The following EI24 variants were observed in gnomAD, a reference collection of about 807,000 sequenced individuals.
EI24 encodes EI24 autophagy associated transmembrane protein, also known as etoposide-induced protein 2.4 homolog.
Under a neutral mutation model 48.6 loss-of-function variants are expected in EI24, and 21 were observed. The observed-to-expected ratio is 0.43, with a 90% CI of 0.31 to 0.62. The LOEUF is 0.62. Among genes scored for constraint, EI24 ranks in the 20% least tolerant of loss-of-function variants. The pLI is 0.10. For synonymous variants in EI24, 114 were observed against 145.5 expected (o/e 0.78, Z 1.56); for missense variants, 280 against 410.5 (o/e 0.68, Z 2.75).
intron 7 of EI24, among the ~76,000 whole-genome samples, chr11:125,579,519 A>G (rs1382532412): frequency 1.3e-5 from 2 of 152,050 alleles, no homozygotes; most frequent in African/African-American, 2.4e-5. Context: ...TACAAAAATT[A>G]GCTGCGCGTG....
At position 125,582,327 on chromosome 11, in the gene EI24, T is replaced by G. The variant is rs917853235; in HGVS notation, c.786-19T>G. 4.0e-6 allele frequency: 5 copies of G among 1,255,078 alleles called. No individual in the cohort carries two copies. The South Asian group carries it at 8.2e-5, about 21-fold the overall frequency. The allele number at this position is 1,255,078 out of a possible 1,614,324, so 77.7% of individuals were successfully genotyped here. A position where few individuals can be genotyped will look rare whatever the true frequency, so the allele number is the denominator to read the frequency against. On this transcript the variant is annotated intron_variant, in intron 9 of 10. Coordinates refer to ENST00000278903, the MANE Select transcript of EI24 (RefSeq NM_004879.5). ...GTTATGAAGGTGACTAATTATTTCTTTTTTTTTTTTTTAAACAGTGGCTGC... is the reference window on the plus strand; with the variant it reads ...GTTATGAAGGTGACTAATTATTTCTGTTTTTTTTTTTTAAACAGTGGCTGC...
chr11:125,570,693 T>G (rs943281694), intron 1 of EI24, among the ~76,000 whole-genome samples: 2 of 152,210 alleles, frequency 1.3e-5, no homozygotes, highest in African/African-American at 4.8e-5. Flanking sequence ...GGGTTGTGTT[T>G]ATATAGAATT....
intron 2 of EI24, among the ~76,000 whole-genome samples, chr11:125,573,112 C>T (rs761765652): frequency 1.3e-5 from 2 of 151,890 alleles, no homozygotes; most frequent in Non-Finnish European, 2.9e-5. Context: ...TGGCATGTTG[C>T]CCAGGCTGGT....
chr11:125,578,812 C>T (rs1938864787), intron 6 of EI24, 137 bp from the exon 7 acceptor site: 1 of 1,049,812 alleles, frequency 9.5e-7, no homozygotes, highest in Non-Finnish European at 1.3e-6. Context: ...ACTATAGGCA[C>T]ATGCCATCGT....
At chr11:125,572,605 G>T in intron 2 of EI24, 36 bp downstream of exon 2, 1 of 1,588,782 alleles carries the variant, frequency 6.3e-7, no homozygotes, top group Non-Finnish European at 8.6e-7. Context: ...TCATCTCTCG[G>T]CCTTTTTTTT....
chr11:125,576,024 C>G, intron 3 of EI24: 1 of 515,830 alleles, frequency 1.9e-6, no homozygotes, highest in Non-Finnish European at 3.5e-6. Flanking sequence ...CTCCTGACCT[C>G]AGTTGATCGC....
At chr11:125,578,758 C>T (rs1938862197) in intron 6 of EI24, among the ~76,000 whole-genome samples, 191 bp from the exon 7 acceptor site, 1 of 152,150 alleles carries the variant, frequency 6.6e-6, no homozygotes, top group Non-Finnish European at 1.5e-5. Context: ...TGAGCCACGG[C>T]ATAAGGCAGC....
At position 125,584,331 on chromosome 11, in the gene EI24, T is replaced by C. The variant is rs1354217401; in HGVS notation, c.*648T>C. 2.0e-5 allele frequency: 3 copies of C among 151,834 alleles called. No homozygotes were observed. Among genetic ancestry groups the C allele is most frequent in the Non-Finnish European group, 4.4e-5 (3 of 67,860 alleles). 9.4% of individuals were successfully genotyped at this position (151,834 alleles called of 1,614,324 possible). ...TGCTGGGTTTTGAGGAGTGATTTTC[T>C]TTCTTCCCCTTGAAGGGGAAAAAGC... On this transcript the variant is annotated 3_prime_UTR_variant, in exon 11 of 11. Transcript: ENST00000278903.
intron 1 of EI24, among the ~76,000 whole-genome samples, chr11:125,571,171 A>G (rs1228313308): frequency 6.6e-6 from 1 of 152,184 alleles, no homozygotes; most frequent in African/African-American, 2.4e-5. Flanking sequence ...GGTCGGGGAA[A>G]GTGTGCTTAT....
rs769401768 is a variant in EI24, at chr11:125,578,242, T to C, written c.426T>C (p.Asn142=). The change falls in exon 6 of 11, where the codon AAT becomes AAC. Residue 142 remains asparagine, a synonymous_variant. Coordinates refer to ENST00000278903, the MANE Select transcript of EI24 (RefSeq NM_004879.5). The part of the protein sequence containing the change: ...LPLFVLSKVV[N]AIWFQDIADL... ...TGTTTGTGCTTAGCAAAGTGGTGAA[T>C]GCCATTTGGTTTCAGGTAGGTCCAG... 2 of 1,613,968 alleles carry C rather than the reference T, an allele frequency of 1.2e-6. No individual in the cohort carries two copies. The highest frequency in any genetic ancestry group is 2.2e-5 in the East Asian group (1 of 44,880).
Position 125,580,190 on chromosome 11 carries a change from G to A in EI24, c.659G>A (p.Arg220His), listed in dbSNP as rs1565331774. Reference sequence around the variant, plus strand: ...TACTCACTGTACTGCTTTGAATATCGTTGGTTCAATAAAGGTAAGTCCATC... The same window carrying A: ...TACTCACTGTACTGCTTTGAATATCATTGGTTCAATAAAGGTAAGTCCATC... The part of the protein sequence containing the change: ...LLYSLYCFEY[R>H]WFNKGIEMHQ... The change falls in exon 8 of 11, where the codon CGT (arginine) becomes CAT (histidine). Residue 220 changes from arginine (R) to histidine (H), a missense_variant. Around this residue, in one of 3 missense-constraint regions of EI24, gnomAD observed 204 missense variants for 294.1 expected, o/e 0.69. Coordinates refer to ENST00000278903, the MANE Select transcript of EI24 (RefSeq NM_004879.5). The A allele has an allele frequency of 4.3e-6, 7 of 1,611,818 alleles. No individual in the cohort carries two copies. The highest frequency in any genetic ancestry group is 3.3e-4 in the Middle Eastern group (2 of 6,056).
At chr11:125,577,904 C>G in intron 5 of EI24, 3 of 591,628 alleles carry the variant, frequency 5.1e-6, no homozygotes, top group Non-Finnish European at 3.0e-6. Context: ...ATCATGTAAG[C>G]AGGTTTGTGT....
At position 125,577,551 on chromosome 11, in the gene EI24, G is replaced by C. The variant is rs372011817; in HGVS notation, c.297G>C (p.Ser99=). The change falls in exon 5 of 11, where the codon TCG becomes TCC. Residue 99 remains serine, a synonymous_variant. Transcript: ENST00000278903. The part of the protein sequence containing the change: ...FYRVFIPVLQ[S]VTARIIGDPS... ...GAGTATTTATTCCTGTGCTTCAGTCGGTAACAGCCCGAATTATCGGTAAGT... is the reference window on the plus strand; with the variant it reads ...GAGTATTTATTCCTGTGCTTCAGTCCGTAACAGCCCGAATTATCGGTAAGT... The C allele has an allele frequency of 6.2e-7, 1 of 1,613,740 alleles. No homozygotes were observed. Among genetic ancestry groups the C allele is most frequent in the African/African-American group, 1.3e-5 (1 of 74,992 alleles).
At chr11:125,574,953 A>AATCC (rs1362553282) in intron 2 of EI24, 1 of 178,762 alleles carries the variant, frequency 5.6e-6, no homozygotes, top group East Asian at 1.3e-4. Context: ...CGTGGGTGGG[A>AATCC]GATGGATGCA....
At chr11:125,582,139 G>A (rs543872297) in intron 9 of EI24, among the ~76,000 whole-genome samples, 29 of 151,940 alleles carry the variant, frequency 1.9e-4, no homozygotes, top group African/African-American at 6.8e-4. Flanking sequence ...CGGAGGTTGC[G>A]GTGAGTTGAG....
intron 9 of EI24, among the ~76,000 whole-genome samples, 167 bp downstream of exon 9, chr11:125,581,489 C>T (rs1938991189): frequency 6.6e-6 from 1 of 150,908 alleles, no homozygotes; most frequent in South Asian, 2.1e-4. Flanking sequence ...GTCTGAATGT[C>T]CCTATATCCC....
intron 3 of EI24, chr11:125,576,010 C>T (rs1938735310): frequency 8.3e-6 from 4 of 483,450 alleles, no homozygotes; most frequent in East Asian, 3.9e-5. Context: ...AGGCTGGTCT[C>T]GAACTCCTGA....
At chr11:125,575,482 C>A in intron 3 of EI24, 74 bp downstream of exon 3, 3 of 1,392,578 alleles carry the variant, frequency 2.2e-6, no homozygotes, top group Non-Finnish European at 1.9e-6. Flanking sequence ...TGTTTCAGTG[C>A]CATTTTATTT....
In EI24 at chr11:125,583,552, GTCT is replaced by G. The variant is rs1239395662; in HGVS notation, c.897_899del (p.Phe299del). The G allele has an allele frequency of 1.2e-6, 2 of 1,606,396 alleles. No individual in the cohort carries two copies. Among genetic ancestry groups the G allele is most frequent in the Non-Finnish European group, 1.7e-6 (2 of 1,176,274 alleles). On this transcript the variant is annotated inframe_deletion, in exon 11 of 11. Coordinates refer to ENST00000278903, the MANE Select transcript of EI24 (RefSeq NM_004879.5). ...CCAGTTGCGCCTCTTCTCCTTGGTGGTCTTCTTAAGCAACAGACTCTTCCACAA... is the reference window on the plus strand; with the variant it reads ...CCAGTTGCGCCTCTTCTCCTTGGTGGTCTTAAGCAACAGACTCTTCCACAA...
Sources: allele counts gnomAD v4.1 joint callset (sites outside exome capture counted in the v4.1 genomes callset), GRCh38; gene constraint gnomAD v4.1.1; regional missense constraint gnomAD v4.1.1; transcripts MANE v1.5; gene names NCBI Gene and HGNC (gene_info 2026-07-23, HGNC 2026-07-21).